Variants in PTPN14 observed in about 807,000 individuals in gnomAD.
PTPN14 encodes protein tyrosine phosphatase non-receptor type 14.
A neutral mutation model predicts 126.8 loss-of-function variants in PTPN14; 53 were observed. That is an observed-to-expected ratio of 0.42 (90% confidence interval 0.34 to 0.53). The LOEUF (loss-of-function observed/expected upper bound fraction) is 0.53, where lower values mean the gene tolerates loss of function less well. Ranked by LOEUF, PTPN14 falls within the 20% of genes least tolerant of loss-of-function variation. PTPN14 has a pLI of 0.08. For missense variants in PTPN14, 1,257 were observed against 1,552.9 expected (o/e 0.81, Z 3.20); for synonymous variants, 630 against 599.3 (o/e 1.05, Z -0.75).
chr1:214,398,613 ATTTTTTT>A (rs56339386), intron 7 of PTPN14, among the ~76,000 whole-genome samples: 5,815 of 108,928 alleles, frequency 0.053, 224 homozygotes, highest in South Asian at 0.28. Context: ...TGCCCTGCTA[ATTTTTTT>A]TTTTTTTTTT....
chr1:214,422,441 C>T (rs1003994888), intron 3 of PTPN14, among the ~76,000 whole-genome samples: 1 of 152,156 alleles, frequency 6.6e-6, no homozygotes, highest in Non-Finnish European at 1.5e-5. Flanking sequence ...CTGTCAACTA[C>T]GGAGCCTCAT....
Position 214,383,404 on chromosome 1 carries a change from C to G in PTPN14, c.2451G>C (p.Lys817Asn), listed in dbSNP as rs1347197734. The G allele has an allele frequency of 6.2e-7, 1 of 1,614,252 alleles. No homozygotes were observed. Among genetic ancestry groups the G allele is most frequent in the East Asian group, 2.2e-5 (1 of 44,880 alleles). Residue 817 changes from lysine (K) to asparagine (N), a missense_variant, in exon 13 of 19, where the codon AAG becomes AAC. Physicochemically the swap from Lys to Asn is moderately conservative, Grantham distance 94. Transcript: ENST00000366956. The surrounding 1 kb of genome is among the most constrained non-coding windows in gnomAD (Gnocchi z 4.4). ...SISEPDLTSVKERVKKEPVKE... is the reference protein window; with the variant it reads ...SISEPDLTSVNERVKKEPVKE... The stretch of plus-strand genomic sequence containing the variant: ...TCACAGGCTCTTTTTTGACCCGCTC[C>G]TTCACACTAGTCAGGTCGGGTTCCG...
intron 1 of PTPN14, among the ~76,000 whole-genome samples, chr1:214,471,581 T>A (rs548653735): frequency 6.6e-5 from 10 of 152,270 alleles, no homozygotes; most frequent in African/African-American, 2.4e-4. Context: ...AAGAGGAAAT[T>A]GAGTACTTGA....
intron 1 of PTPN14, among the ~76,000 whole-genome samples, chr1:214,546,931 G>A (rs776318470): frequency 4.7e-4 from 72 of 151,808 alleles, no homozygotes; most frequent in Non-Finnish European, 4.0e-4. Flanking sequence ...GCTTGAGGGG[G>A]GAAGAAAAGT....
chr1:214,417,318 C>T (rs186935634), intron 3 of PTPN14, among the ~76,000 whole-genome samples: 146 of 151,940 alleles, frequency 9.6e-4, no homozygotes, highest in Non-Finnish European at 1.6e-3. Flanking sequence ...ACAGATTTGT[C>T]GGGGTGAAAT....
At chr1:214,373,558 AACACACACACACACACACACACAC>A (rs10562157) in intron 15 of PTPN14, among the ~76,000 whole-genome samples, 14,172 of 138,694 alleles carry the variant, frequency 0.1, 877 homozygotes, top group Middle Eastern at 0.19. Context: ...ATTTCATTGA[AACACACACACACACACACACACAC>A]ACACACACAC....
At chr1:214,539,209 T>G (rs890303409) in intron 1 of PTPN14, among the ~76,000 whole-genome samples, 1 of 152,208 alleles carries the variant, frequency 6.6e-6, no homozygotes, top group African/African-American at 2.4e-5. Context: ...AAACCAAGAT[T>G]TCTCTGGTAG....
At chr1:214,486,913 G>A (rs1026342635) in intron 1 of PTPN14, among the ~76,000 whole-genome samples, 1 of 24,424 alleles carries the variant, frequency 4.1e-5, no homozygotes, top group Non-Finnish European at 7.8e-5. Flanking sequence ...ATCTGGAAAA[G>A]TTGACCCCGT....
intron 14 of PTPN14, 79 bp downstream of exon 14, chr1:214,377,880 T>C (rs1658378737): frequency 1.3e-6 from 2 of 1,495,234 alleles, no homozygotes; most frequent in East Asian, 4.6e-5. Flanking sequence ...ATCTCAATGC[T>C]GGCATATTCG....
chr1:214,431,210 A>G (rs1421270286), intron 3 of PTPN14, among the ~76,000 whole-genome samples: 1 of 152,210 alleles, frequency 6.6e-6, no homozygotes, highest in Non-Finnish European at 1.5e-5. Context: ...GTCTGTCTTT[A>G]TCTTCTAAGC....
rs370968784 is a variant in PTPN14, at chr1:214,479,501, G to A, written c.-154-14544C>T. Among the ~76,000 whole-genome samples the A allele has an allele frequency of 2.7e-4, 41 of 151,988 alleles. 1 individual carries two copies. The South Asian group carries it at 6.0e-3, about 22-fold the overall frequency. On this transcript the variant is annotated intron_variant, in intron 1 of 18. Transcript: ENST00000366956. The stretch of plus-strand genomic sequence containing the variant: ...ATTACAGGCGCCCACCACCAAGCCC[G>A]GCTAATTTTTGTATTTTTAGTGGAG...
chr1:214,387,711 A>G (rs1369311033), intron 11 of PTPN14, among the ~76,000 whole-genome samples: 1 of 151,806 alleles, frequency 6.6e-6, no homozygotes, highest in Non-Finnish European at 1.5e-5. Flanking sequence ...AAAGAAAGAG[A>G]AAGTAAATTA....
intron 16 of PTPN14, chr1:214,372,185 T>C (rs1658233931): frequency 6.4e-6 from 1 of 157,218 alleles, no homozygotes; most frequent in East Asian, 1.9e-4. Flanking sequence ...TATGTTTGGC[T>C]TGGCAAAAGA....
chr1:214,387,898 A>G (rs566161412), intron 11 of PTPN14, among the ~76,000 whole-genome samples: 1 of 152,204 alleles, frequency 6.6e-6, no homozygotes, highest in East Asian at 1.9e-4. Context: ...ATCTATTTAA[A>G]TATCTAAAAT....
chr1:214,533,225 C>T (rs572942567), intron 1 of PTPN14: 2 of 664,480 alleles, frequency 3.0e-6, no homozygotes, highest in African/African-American at 1.8e-5. Context: ...TCAGGGCTGG[C>T]CCAGACCCAG....
At chr1:214,435,932 ACACATGCACATGTACGTT>A (rs1659903953) in intron 3 of PTPN14, among the ~76,000 whole-genome samples, 1 of 152,218 alleles carries the variant, frequency 6.6e-6, no homozygotes, top group South Asian at 2.1e-4. Flanking sequence ...CATTATAAAG[ACACATGCACATGTACGTT>A]CACTGCAGCA....
At chr1:214,397,858 C>T in intron 8 of PTPN14, 55 bp downstream of exon 8, 1 of 1,407,338 alleles carries the variant, frequency 7.1e-7, no homozygotes, top group Non-Finnish European at 1.0e-6. Flanking sequence ...GTAACATTAA[C>T]ATTACAGTTC....
intron 1 of PTPN14, among the ~76,000 whole-genome samples, chr1:214,527,048 G>A (rs1228410565): frequency 4.6e-5 from 7 of 151,538 alleles, no homozygotes; most frequent in African/African-American, 9.7e-5. Flanking sequence ...CCAAGATCAC[G>A]TCATTGCACT....
At position 214,355,959 on chromosome 1, in the gene PTPN14, CTT is replaced by C. The variant is rs58372033; in HGVS notation, c.*1961_*1962del. 232 of 101,618 alleles carry C rather than the reference CTT, an allele frequency of 2.3e-3. No individual in the cohort carries two copies. The highest frequency in any genetic ancestry group is 9.3e-3 in the Middle Eastern group (2 of 214). 6.3% of individuals were successfully genotyped at this position (101,618 alleles called of 1,614,324 possible). A position where few individuals can be genotyped will look rare whatever the true frequency, so the allele number is the denominator to read the frequency against. On this transcript the variant is annotated 3_prime_UTR_variant, in exon 19 of 19. Coordinates refer to ENST00000366956, the MANE Select transcript of PTPN14 (RefSeq NM_005401.5). ...TAGTTTTTCTTGACAACCTTTTTTC[CTT>C]TTTTTTTTTTTTTTTTGGAGGCAGG...
Sources: gnomAD v4.1 joint callset for allele counts (sites outside exome capture counted in the v4.1 genomes callset) on GRCh38, gnomAD v4.1.1 for gene constraint, Gnocchi (gnomAD v3.1) non-coding constraint, MANE v1.5 for transcripts, NCBI Gene and HGNC (gene_info 2026-07-23, HGNC 2026-07-21) for gene names.